Variants in PID1 observed in about 807,000 individuals in gnomAD.
The protein encoded by PID1 is PTB-containing, cubilin and LRP1-interacting protein.
Under a neutral mutation model 19.1 loss-of-function variants are expected in PID1, and 10 were observed. That is an observed-to-expected ratio of 0.52 (90% CI 0.32 to 0.89). The LOEUF (loss-of-function observed/expected upper bound fraction) is 0.89, where lower values mean the gene tolerates loss of function less well. PID1 is among the 40% of genes least tolerant of loss of function. The pLI, the probability that PID1 is intolerant of heterozygous loss-of-function variation, is 0.03. For synonymous variants in PID1, 130 were observed against 116.0 expected, an observed-to-expected ratio of 1.12 and a Z score of -0.78; for missense variants, 248 against 285.3, an observed-to-expected ratio of 0.87 and a Z score of 0.94.
intron 2 of PID1, among the ~76,000 whole-genome samples, chr2:229,106,570 C>A (rs1430056720): frequency 6.6e-6 from 1 of 152,158 alleles, no homozygotes; most frequent in Non-Finnish European, 1.5e-5. Flanking sequence ...AGTGCCCTCA[C>A]AAAAGAAGCT....
At chr2:229,169,534 A>C (rs1221629283) in intron 1 of PID1, among the ~76,000 whole-genome samples, 1 of 152,214 alleles carries the variant, frequency 6.6e-6, no homozygotes, top group Non-Finnish European at 1.5e-5. Flanking sequence ...AAATTAATAC[A>C]TTGAGGAATG....
chr2:229,258,145 G>A (rs909198296), intron 1 of PID1, among the ~76,000 whole-genome samples: 6 of 152,226 alleles, frequency 3.9e-5, no homozygotes, highest in African/African-American at 1.4e-4. Context: ...AGATGGGAGA[G>A]TCAGCTGGAA....
chr2:229,136,671 T>C (rs184246640), intron 2 of PID1, among the ~76,000 whole-genome samples: 1 of 152,176 alleles, frequency 6.6e-6, no homozygotes, highest in African/African-American at 2.4e-5. Flanking sequence ...CGGCACTTTC[T>C]CTCTTTGATT....
intron 2 of PID1, among the ~76,000 whole-genome samples, chr2:229,037,034 A>G (rs1190533600): frequency 6.6e-6 from 1 of 152,228 alleles, no homozygotes; most frequent in Non-Finnish European, 1.5e-5. Context: ...TAATTTTTTT[A>G]ATAGTATCAA....
chr2:229,167,205 T>C (rs150905361), intron 1 of PID1, among the ~76,000 whole-genome samples: 1 of 152,230 alleles, frequency 6.6e-6, no homozygotes, highest in Non-Finnish European at 1.5e-5. Context: ...GAATCATTGT[T>C]TAAGGCTAAA....
In PID1 at chr2:229,052,970, T is replaced by C. The variant is rs142733597; in HGVS notation, c.178-26862A>G. On this transcript the variant is annotated intron_variant, in intron 2 of 2. Coordinates refer to ENST00000392055, the MANE Select transcript of PID1 (RefSeq NM_001100818.2). ...GACTTCTATTATTCTATATGTGCCA[T>C]GTACAATTATTATGAAAGCTGTATT... 1.6e-4 allele frequency among the ~76,000 whole-genome samples: 25 copies of C among 152,322 alleles called. 1 individual carries two copies. The East Asian group carries it at 4.6e-3, about 28-fold the overall frequency.
chr2:229,138,983 G>GAACA (rs1689917398), intron 2 of PID1, among the ~76,000 whole-genome samples: 2 of 39,326 alleles, frequency 5.1e-5, no homozygotes, highest in African/African-American at 2.1e-4. Flanking sequence ...AAAAATAGAA[G>GAACA]AAAGAAAGAA....
At chr2:229,213,792 C>T (rs1691788231) in intron 1 of PID1, among the ~76,000 whole-genome samples, 1 of 152,176 alleles carries the variant, frequency 6.6e-6, no homozygotes, top group African/African-American at 2.4e-5. Context: ...ACCCACAAAT[C>T]ATACAATATG....
intron 2 of PID1, among the ~76,000 whole-genome samples, chr2:229,036,254 A>G (rs1408684841): frequency 6.6e-6 from 1 of 152,206 alleles, no homozygotes; most frequent in Non-Finnish European, 1.5e-5. Flanking sequence ...AGCTCAGAGC[A>G]GGCCTGGGCA....
At chr2:229,188,896 T>C (rs966906378) in intron 1 of PID1, among the ~76,000 whole-genome samples, 9 of 152,220 alleles carry the variant, frequency 5.9e-5, no homozygotes, top group African/African-American at 2.2e-4. Context: ...AGTAAGCATC[T>C]TTTTAAATAT....
chr2:229,059,757 A>G (rs182050137), intron 2 of PID1, among the ~76,000 whole-genome samples: 84 of 152,270 alleles, frequency 5.5e-4, no homozygotes, highest in Admixed American at 1.0e-3. Context: ...GTTAAATGAC[A>G]TTTTTACCTC....
At chr2:229,070,952 C>T (rs1159423476) in intron 2 of PID1, among the ~76,000 whole-genome samples, 1 of 152,128 alleles carries the variant, frequency 6.6e-6, no homozygotes, top group Non-Finnish European at 1.5e-5. Context: ...TAAAACAATC[C>T]AACTGCAGTT....
chr2:229,198,737 T>A (rs984395085), intron 1 of PID1, among the ~76,000 whole-genome samples: 2 of 151,998 alleles, frequency 1.3e-5, no homozygotes, highest in African/African-American at 4.8e-5. Flanking sequence ...TCCTACTGGG[T>A]CTATATTCAA....
chr2:229,034,240 C>T (rs1034125925), intron 2 of PID1, among the ~76,000 whole-genome samples: 1 of 152,156 alleles, frequency 6.6e-6, no homozygotes, highest in Non-Finnish European at 1.5e-5. Flanking sequence ...GCTACTAGAA[C>T]CAATTCCTGG....
chr2:229,241,899 A>T (rs1689879914), intron 1 of PID1, among the ~76,000 whole-genome samples: 1 of 152,166 alleles, frequency 6.6e-6, no homozygotes. Flanking sequence ...AAATTCATAA[A>T]CCTCTATAAG....
At chr2:229,092,698 G>C (rs1694899348) in intron 2 of PID1, among the ~76,000 whole-genome samples, 1 of 152,016 alleles carries the variant, frequency 6.6e-6, no homozygotes, top group Admixed American at 6.6e-5. Context: ...TATCTGAGCT[G>C]GTCCCAAAAG....
At chr2:229,191,818 G>A (rs16825840) in intron 1 of PID1, among the ~76,000 whole-genome samples, 3,193 of 152,266 alleles carry the variant, frequency 0.021, 49 homozygotes, top group South Asian at 0.069. Flanking sequence ...GGAATATTGT[G>A]TATCACAAAC....
chr2:229,154,614 C>T (rs181517937), intron 2 of PID1, among the ~76,000 whole-genome samples: 169 of 152,240 alleles, frequency 1.1e-3, no homozygotes, highest in African/African-American at 3.8e-3. Flanking sequence ...ACCACCATCA[C>T]CCAAGATCGC....
chr2:229,093,856 A>G (rs1167071323), intron 2 of PID1, among the ~76,000 whole-genome samples: 1 of 152,216 alleles, frequency 6.6e-6, no homozygotes, highest in Non-Finnish European at 1.5e-5. Flanking sequence ...CATCACATTG[A>G]ATAGGAAAAA....
Sources: gnomAD v4.1 joint callset for allele counts (sites outside exome capture counted in the v4.1 genomes callset) on GRCh38, gnomAD v4.1.1 for gene constraint, MANE v1.5 for transcripts, NCBI Gene and HGNC (gene_info 2026-07-23, HGNC 2026-07-21) for gene names.